Variants in NRXN1 observed in about 807,000 individuals in gnomAD.
NRXN1 encodes the protein neurexin-1.
NRXN1 carries 39 observed loss-of-function variants against 150.9 expected under a neutral mutation model. That is an observed-to-expected ratio of 0.26 (90% CI 0.20 to 0.34). The LOEUF (loss-of-function observed/expected upper bound fraction) is 0.34, where lower values mean the gene tolerates loss of function less well. NRXN1 is among the 10% of genes least tolerant of loss of function. The probability of loss-of-function intolerance (pLI) is 1.00; values close to 1 mark genes in which losing one functional copy is unlikely to be tolerated. For synonymous variants in NRXN1, 924 were observed against 757.0 expected (o/e 1.22, Z -3.62); for missense variants, 1,815 against 1,949.9 (o/e 0.93, Z 1.30).
chr2:50,080,266 G>A (rs1159618479), intron 19 of NRXN1, among the ~76,000 whole-genome samples: 3 of 152,048 alleles, frequency 2.0e-5, no homozygotes, highest in Admixed American at 6.5e-5. Context: ...ATATTGTTAC[G>A]ATTGTTCTAT....
intron 17 of NRXN1, among the ~76,000 whole-genome samples, chr2:50,331,860 T>C (rs921537376): frequency 6.6e-6 from 1 of 152,150 alleles, no homozygotes; most frequent in Non-Finnish European, 1.5e-5. Context: ...GTCTTGTTCC[T>C]CAAGCAATTG....
chr2:50,531,243 T>C lies in NRXN1; in HGVS notation c.2331A>G (p.Lys777=), dbSNP rs1468360830. Reference sequence around the variant, plus strand: ...GGTTGTTACCTAGATTGACCGTCAGTTTCACACGTCCTGCGTCTAGCTCCA... The same window carrying C: ...GGTTGTTACCTAGATTGACCGTCAGCTTCACACGTCCTGCGTCTAGCTCCA... ...LRLELDAGRV[K]LTVNLDCIRI... Residue 777 remains lysine, a synonymous_variant, in exon 11 of 23, where the codon AAA becomes AAG. Transcript: ENST00000401669. 6.2e-7 allele frequency: 1 copy of C among 1,612,978 alleles called. No individual in the cohort carries two copies. The highest frequency in any genetic ancestry group is 8.5e-7 in the Non-Finnish European group (1 of 1,179,564).
At chr2:50,353,032 T>C (rs771365146) in intron 17 of NRXN1, among the ~76,000 whole-genome samples, 1 of 151,608 alleles carries the variant, frequency 6.6e-6, no homozygotes, top group African/African-American at 2.4e-5. Flanking sequence ...TCAGAGGGAG[T>C]GCTGGGGATC....
At chr2:50,409,387 T>A (rs1169968985) in intron 17 of NRXN1, among the ~76,000 whole-genome samples, 1 of 152,236 alleles carries the variant, frequency 6.6e-6, no homozygotes, top group East Asian at 1.9e-4. Flanking sequence ...TTTGTTTGGC[T>A]TCTAGTGGTC....
intron 5 of NRXN1, among the ~76,000 whole-genome samples, chr2:50,796,822 C>T (rs541529534): frequency 1.2e-4 from 18 of 152,264 alleles, no homozygotes; most frequent in African/African-American, 4.3e-4. Context: ...TACAGCAAAA[C>T]ACCTTCAGTT....
At chr2:50,549,875 G>A (rs187462045) in intron 9 of NRXN1, among the ~76,000 whole-genome samples, 92 of 152,122 alleles carry the variant, frequency 6.0e-4, no homozygotes, top group Admixed American at 6.0e-3. Context: ...GTGTATATGT[G>A]CATGTGTGGC....
chr2:50,038,133 G>T (rs987457835), intron 21 of NRXN1, among the ~76,000 whole-genome samples: 3 of 152,224 alleles, frequency 2.0e-5, no homozygotes, highest in African/African-American at 7.2e-5. Flanking sequence ...TCTGTAGATA[G>T]TCTGGAAGGA....
At chr2:50,083,345 T>C (rs1698247810) in intron 19 of NRXN1, among the ~76,000 whole-genome samples, 1 of 152,210 alleles carries the variant, frequency 6.6e-6, no homozygotes, top group Admixed American at 6.5e-5. Context: ...CTGTGTAGTT[T>C]AAATGATGCC....
chr2:49,958,137 T>G (rs1348264385), intron 21 of NRXN1, among the ~76,000 whole-genome samples: 1 of 152,104 alleles, frequency 6.6e-6, no homozygotes, highest in Non-Finnish European at 1.5e-5. Context: ...GGACAAGAAT[T>G]TTGCTAATTG....
chr2:50,828,825 G>A (rs1388499865), intron 5 of NRXN1, among the ~76,000 whole-genome samples: 23 of 152,148 alleles, frequency 1.5e-4, no homozygotes, highest in Non-Finnish European at 2.6e-4. Context: ...CCCAGACGGG[G>A]TGGCGGCCAG....
chr2:50,968,879 A>G (rs966808412), intron 2 of NRXN1, among the ~76,000 whole-genome samples: 5 of 152,070 alleles, frequency 3.3e-5, no homozygotes, highest in Admixed American at 6.6e-5. Context: ...ATGTCGACTC[A>G]TATCACTCTT....
At position 50,099,103 on chromosome 2, in the gene NRXN1, C is replaced by T. The variant is rs186256627; in HGVS notation, c.3547-7609G>A. 5.3e-3 allele frequency among the ~76,000 whole-genome samples: 809 copies of T among 151,888 alleles called. 7 individuals carry two copies. Among genetic ancestry groups the T allele is most frequent in the Non-Finnish European group, 5.7e-3 (386 of 67,950 alleles). ...CTTCAATGAGACTATATTCTGGCAGCGATATTAACTTCCTGGAGGCTTAAA... is the reference window on the plus strand; with the variant it reads ...CTTCAATGAGACTATATTCTGGCAGTGATATTAACTTCCTGGAGGCTTAAA... On this transcript the variant is annotated intron_variant, in intron 18 of 22. Coordinates refer to ENST00000401669, the MANE Select transcript of NRXN1 (RefSeq NM_001330078.2).
chr2:50,422,304 A>T (rs1265338279), intron 17 of NRXN1, among the ~76,000 whole-genome samples: 1 of 152,182 alleles, frequency 6.6e-6, no homozygotes, highest in African/African-American at 2.4e-5. Context: ...GTCCCCATGA[A>T]TTCTAACTAT....
At chr2:50,952,096 A>G (rs1268819753) in intron 2 of NRXN1, among the ~76,000 whole-genome samples, 1 of 149,534 alleles carries the variant, frequency 6.7e-6, no homozygotes, top group Non-Finnish European at 1.5e-5. Flanking sequence ...CCTCCCAAGT[A>G]GCTGGGACTA....
Position 50,347,164 on chromosome 2 carries a change from G to C in NRXN1, c.3365-110194C>G, listed in dbSNP as rs1474376842. 7.3e-7 allele frequency: 1 copy of C among 1,368,682 alleles called. No homozygotes were observed. Among genetic ancestry groups the C allele is most frequent in the Non-Finnish European group, 9.6e-7 (1 of 1,041,550 alleles). The allele number at this position is 1,368,682 out of a possible 1,614,324, so 84.8% of individuals were successfully genotyped here. ...CCCAAACAATCCGAAACATAGCCGA[G>C]GCGAATGCAGCTGGAGAGGGGCTTG... On this transcript the variant is annotated intron_variant, in intron 17 of 22. Transcript: ENST00000401669. This position sits in a 1 kb window ranked among gnomAD's most constrained non-coding sequence, Gnocchi z 4.9.
intron 5 of NRXN1, among the ~76,000 whole-genome samples, chr2:50,913,765 G>A (rs771130596): frequency 6.6e-6 from 1 of 151,738 alleles, no homozygotes; most frequent in Non-Finnish European, 1.5e-5. Context: ...AAGCCAAACA[G>A]AAAGGGAGAA....
chr2:50,840,418 C>T (rs1013865026), intron 5 of NRXN1, among the ~76,000 whole-genome samples: 3 of 152,038 alleles, frequency 2.0e-5, no homozygotes, highest in Non-Finnish European at 2.9e-5. Flanking sequence ...TATTTAGTAT[C>T]CCCCTTGTCT....
At chr2:50,709,912 G>A (rs1034415720) in intron 5 of NRXN1, among the ~76,000 whole-genome samples, 1 of 152,062 alleles carries the variant, frequency 6.6e-6, no homozygotes, top group African/African-American at 2.4e-5. Flanking sequence ...TCCTTTATTG[G>A]CCCAGTTCCC....
In NRXN1 at chr2:50,713,491, T is replaced by C. The variant is rs190492569; in HGVS notation, c.833-89876A>G. Among the ~76,000 whole-genome samples, 9 of 152,148 alleles carry C rather than the reference T, an allele frequency of 5.9e-5. No individual in the cohort carries two copies. In the East Asian group the frequency reaches 1.2e-3, roughly 20 times the overall value. ...GTGCTTGGCTGGCAGAAGTGAAATG[T>C]ATGGTGTGTTCAAGAAGCATCAATT... On this transcript the variant is annotated intron_variant, in intron 5 of 22. Transcript: ENST00000401669.
Sources: gnomAD v4.1 joint callset for allele counts (sites outside exome capture counted in the v4.1 genomes callset) on GRCh38, gnomAD v4.1.1 for gene constraint, Gnocchi (gnomAD v3.1) non-coding constraint, MANE v1.5 for transcripts, NCBI Gene and HGNC (gene_info 2026-07-23, HGNC 2026-07-21) for gene names.